Variants in SRRT observed in about 807,000 individuals in gnomAD.
SRRT encodes serrate RNA effector molecule homolog.
In SRRT, 32 loss-of-function variants were observed where a neutral mutation model predicts 103.2. The observed-to-expected ratio is 0.31, with a 90% CI of 0.23 to 0.42. The LOEUF is 0.42. Ranked by LOEUF, SRRT falls within the 10% of genes least tolerant of loss-of-function variation. The pLI is 1.00. For missense variants in SRRT, 986 were observed against 1,207.5 expected (o/e 0.82, Z 2.72); for synonymous variants, 525 against 449.0 (o/e 1.17, Z -2.14).
At chr7:100,876,361 A>C (rs957822089) in intron 2 of SRRT, among the ~76,000 whole-genome samples, 2 of 152,190 alleles carry the variant, frequency 1.3e-5, no homozygotes, top group African/African-American at 4.8e-5. Flanking sequence ...CATGTTGGCT[A>C]GGCTGGTTTG....
intron 2 of SRRT, among the ~76,000 whole-genome samples, chr7:100,880,222 C>A (rs1033096146): frequency 6.6e-6 from 1 of 152,160 alleles, no homozygotes; most frequent in Non-Finnish European, 1.5e-5. Flanking sequence ...GATGCTGTTC[C>A]GTTGATACAG....
Position 100,885,423 on chromosome 7 carries a change from G to A in SRRT, c.1317+53G>A. 1 of 1,572,092 alleles carries A rather than the reference G, an allele frequency of 6.4e-7. No homozygotes were observed. Among genetic ancestry groups the A allele is most frequent in the South Asian group, 1.2e-5 (1 of 86,858 alleles). ...AGGGCTGATGGAGAAGTGGAGGGTA[G>A]AGGGAAGGCAGTGGGGCCCTGCCTG... On this transcript the variant is annotated intron_variant, in intron 10 of 19. Transcript: ENST00000611405. This position sits in a 1 kb window ranked among gnomAD's most constrained non-coding sequence, Gnocchi z 4.8.
rs368678666 is a variant in SRRT, at chr7:100,882,686, T to C, written c.587+445T>C. On this transcript the variant is annotated intron_variant, in intron 5 of 19. Transcript: ENST00000611405. This position sits in a 1 kb window ranked among gnomAD's most constrained non-coding sequence, Gnocchi z 4.2. ...TTTTTTTTTCCTTTTGTGGATGTTTTAATTTTAATCAACCATCTTTTCCCC... is the reference window on the plus strand; with the variant it reads ...TTTTTTTTTCCTTTTGTGGATGTTTCAATTTTAATCAACCATCTTTTCCCC... 8.4e-5 allele frequency: 13 copies of C among 154,308 alleles called. No homozygotes were observed. Among genetic ancestry groups the C allele is most frequent in the African/African-American group, 3.1e-4 (13 of 41,502 alleles). The allele number at this position is 154,308 out of a possible 1,614,324, so 9.6% of individuals were successfully genotyped here. A position where few individuals can be genotyped will look rare whatever the true frequency, so the allele number is the denominator to read the frequency against.
intron 12 of SRRT, 75 bp from the exon 13 acceptor site, chr7:100,886,172 G>A (rs933709932): frequency 1.4e-5 from 21 of 1,505,684 alleles, no homozygotes; most frequent in Non-Finnish European, 1.9e-5. Context: ...GCTCAAGAGG[G>A]AAGGGTCTTA....
At chr7:100,888,192 G>A in intron 18 of SRRT, 49 bp downstream of exon 18, 1 of 1,599,992 alleles carries the variant, frequency 6.3e-7, no homozygotes, top group Non-Finnish European at 8.5e-7. Context: ...GTGGCTTTGG[G>A]AGAAGAAAAC....
Position 100,885,787 on chromosome 7 carries a change from G to A in SRRT, c.1379+25G>A, listed in dbSNP as rs758585203. The A allele has an allele frequency of 1.2e-6, 2 of 1,614,032 alleles. No individual in the cohort carries two copies. Among genetic ancestry groups the A allele is most frequent in the South Asian group, 2.2e-5 (2 of 91,084 alleles). On this transcript the variant is annotated intron_variant, in intron 11 of 19. Coordinates refer to ENST00000611405, the MANE Select transcript of SRRT (RefSeq NM_015908.6). This position sits in a 1 kb window ranked among gnomAD's most constrained non-coding sequence, Gnocchi z 4.8. ...GGTGAGTAACTCGGTGCGTTGGAGG[G>A]AAAAGTGCAGGGGAACGTTAATGGC...
In SRRT at chr7:100,888,108, ATGG is replaced by A; in HGVS notation, c.2395_2397del (p.Gly799del). 1 of 1,610,520 alleles carries A rather than the reference ATGG, an allele frequency of 6.2e-7. No individual in the cohort carries two copies. The highest frequency in any genetic ancestry group is 8.5e-7 in the Non-Finnish European group (1 of 1,178,236). On this transcript the variant is annotated inframe_deletion, in exon 18 of 20. Transcript: ENST00000611405. ...CAGACTCCCCAGGGCCTGATGCCCT[ATGG>A]TCAGCCCCGGCCCCCGATCTTGGGC...
At chr7:100,880,519 A>G (rs1382941586) in intron 2 of SRRT, among the ~76,000 whole-genome samples, 1 of 151,950 alleles carries the variant, frequency 6.6e-6, no homozygotes, top group Non-Finnish European at 1.5e-5. Flanking sequence ...GTTAGCCAGG[A>G]TGGTCTCGAT....
intron 2 of SRRT, among the ~76,000 whole-genome samples, chr7:100,876,350 C>A (rs1815707601): frequency 6.6e-6 from 1 of 152,108 alleles, no homozygotes; most frequent in African/African-American, 2.4e-5. Flanking sequence ...CGGGGTTTCA[C>A]CATGTTGGCT....
intron 7 of SRRT, 22 bp downstream of exon 7, chr7:100,884,574 GTGT>G: frequency 2.7e-6 from 4 of 1,504,432 alleles, no homozygotes; most frequent in South Asian, 1.1e-5. Flanking sequence ...GGGTCTCCTA[GTGT>G]TGTCCCTGGC....
rs773046525 is a variant in SRRT, at chr7:100,887,662, C to T, written c.2170-41C>T. On this transcript the variant is annotated intron_variant, in intron 16 of 19. Coordinates refer to ENST00000611405, the MANE Select transcript of SRRT (RefSeq NM_015908.6). This position sits in a 1 kb window ranked among gnomAD's most constrained non-coding sequence, Gnocchi z 4.1. Reference sequence around the variant, plus strand: ...AGCTCGGGCCTGGGAGCGAGGCAACCCTTATGTGGCTGTCCTGACCCCTCT... The same window carrying T: ...AGCTCGGGCCTGGGAGCGAGGCAACTCTTATGTGGCTGTCCTGACCCCTCT... 6.3e-6 allele frequency: 10 copies of T among 1,591,434 alleles called. No homozygotes were observed. The East Asian group carries it at 1.8e-4, about 29-fold the overall frequency.
intron 18 of SRRT, 29 bp from the exon 19 acceptor site, chr7:100,888,228 T>C (rs746174336): frequency 6.2e-7 from 1 of 1,601,958 alleles, no homozygotes; most frequent in Admixed American, 1.7e-5. Context: ...GGACATAGTT[T>C]TGCAACTCAA....
At position 100,885,728 on chromosome 7, in the gene SRRT, C is replaced by T. The variant is rs1434354506; in HGVS notation, c.1345C>T (p.Arg449Trp). 1.9e-6 allele frequency: 3 copies of T among 1,613,240 alleles called. No homozygotes were observed. Among genetic ancestry groups the T allele is most frequent in the Non-Finnish European group, 2.5e-6 (3 of 1,179,586 alleles). Residue 449 changes from arginine (R) to tryptophan (W), a missense_variant, in exon 11 of 20, where the codon CGG (arginine) becomes TGG (tryptophan). By Grantham distance (101) the Arg-to-Trp change is moderately radical. This residue lies in a region of SRRT where 349 missense variants were observed against 446.9 expected (regional missense o/e 0.78). Coordinates refer to ENST00000611405, the MANE Select transcript of SRRT (RefSeq NM_015908.6). This position sits in a 1 kb window ranked among gnomAD's most constrained non-coding sequence, Gnocchi z 4.8. ...TTGTAAAAGGTACCCAGGCTTTATG[C>T]GGGTGGCGCTCTCAGAGCCCCAGCC... ...SLCKRYPGFM[R>W]VALSEPQPER...
chr7:100,880,388 C>T (rs1202286717), intron 2 of SRRT, among the ~76,000 whole-genome samples: 1 of 152,050 alleles, frequency 6.6e-6, no homozygotes, highest in Non-Finnish European at 1.5e-5. Flanking sequence ...CTGCAAGCTC[C>T]GCCTCCCGGG....
rs560619593 is a variant in SRRT at position 100,877,377 on chromosome 7, C to T, written c.122+1665C>T. Among the ~76,000 whole-genome samples, 20 of 132,966 alleles carry T rather than the reference C, an allele frequency of 1.5e-4. 1 individual carries two copies. The highest frequency in any genetic ancestry group is 5.4e-4 in the African/African-American group (19 of 35,348). 87.2% of individuals were successfully genotyped at this position (132,966 alleles called of 152,430 possible). On this transcript the variant is annotated intron_variant, in intron 2 of 19. Coordinates refer to ENST00000611405, the MANE Select transcript of SRRT (RefSeq NM_015908.6). ...CACAGGTTGTAGTGAGCTGAGATCACACCCCTGCACTCCGGCCTGGCGACA... is the reference window on the plus strand; with the variant it reads ...CACAGGTTGTAGTGAGCTGAGATCATACCCCTGCACTCCGGCCTGGCGACA...
chr7:100,875,326 A>G lies in SRRT; in HGVS notation c.-21A>G. The G allele has an allele frequency of 8.5e-7, 1 of 1,179,034 alleles. No individual in the cohort carries two copies. Among genetic ancestry groups the G allele is most frequent in the East Asian group, 4.2e-5 (1 of 23,716 alleles). 73.0% of individuals were successfully genotyped at this position (1,179,034 alleles called of 1,614,324 possible). A position where few individuals can be genotyped will look rare whatever the true frequency, so the allele number is the denominator to read the frequency against. On this transcript the variant is annotated splice_region_variant and 5_prime_UTR_variant, in exon 1 of 20. Coordinates refer to ENST00000611405, the MANE Select transcript of SRRT (RefSeq NM_015908.6). ...CGAGTCCAACGGCCGCGGCCGCACC[A>G]AGGTGGGGGAGGGGAGGAGCCTGGG...
intron 3 of SRRT, 76 bp downstream of exon 3, chr7:100,881,489 G>A: frequency 6.3e-7 from 1 of 1,579,072 alleles, no homozygotes; most frequent in Non-Finnish European, 8.6e-7. Flanking sequence ...CCTCACCTGT[G>A]CCTAAATCTT....
chr7:100,888,097 C>T lies in SRRT; in HGVS notation c.2382C>T (p.Gly794=), dbSNP rs780070670. 4 of 1,610,338 alleles carry T rather than the reference C, an allele frequency of 2.5e-6. No individual in the cohort carries two copies. The South Asian group carries it at 4.4e-5, about 18-fold the overall frequency. ...CCTACCCACACCAGACTCCCCAGGG[C>T]CTGATGCCCTATGGTCAGCCCCGGC... ...GLPYPHQTPQ[G]LMPYGQPRPP... The change falls in exon 18 of 20, where the codon GGC becomes GGT. Residue 794 remains glycine, a synonymous_variant. Transcript: ENST00000611405.
intron 2 of SRRT, among the ~76,000 whole-genome samples, chr7:100,880,219 T>C (rs1816155062): frequency 1.3e-5 from 2 of 152,156 alleles, no homozygotes; most frequent in Admixed American, 6.5e-5. Flanking sequence ...AGAGATGCTG[T>C]TCCGTTGATA....
Sources: gnomAD v4.1 joint callset for allele counts (sites outside exome capture counted in the v4.1 genomes callset) on GRCh38, gnomAD v4.1.1 for gene constraint, gnomAD v4.1.1 regional missense constraint, Gnocchi (gnomAD v3.1) non-coding constraint, MANE v1.5 for transcripts, NCBI Gene and HGNC (gene_info 2026-07-23, HGNC 2026-07-21) for gene names.